Variants in CLNK observed in about 807,000 individuals in gnomAD.
CLNK encodes the protein cytokine-dependent hematopoietic cell linker.
CLNK carries 74 observed loss-of-function variants against 68.6 expected under a neutral mutation model. That is an observed-to-expected ratio of 1.08 (90% CI 0.89 to 1.31). The LOEUF (loss-of-function observed/expected upper bound fraction) is 1.31. Ranked by LOEUF, CLNK falls within the 50% of genes most tolerant of loss-of-function variation. The pLI, the probability that CLNK is intolerant of heterozygous loss-of-function variation, is 0.00. For synonymous variants in CLNK, 198 were observed against 172.2 expected (o/e 1.15, Z -1.17); for missense variants, 553 against 515.3 (o/e 1.07, Z -0.71).
intron 18 of CLNK, among the ~76,000 whole-genome samples, chr4:10,492,120 T>C (rs1716600353): frequency 6.6e-6 from 1 of 152,198 alleles, no homozygotes; most frequent in Non-Finnish European, 1.5e-5. Flanking sequence ...GCAGGGGGAA[T>C]GATCTTCCCT....
At chr4:10,534,390 A>G (rs541606744) in intron 11 of CLNK, among the ~76,000 whole-genome samples, 3 of 152,340 alleles carry the variant, frequency 2.0e-5, no homozygotes, top group East Asian at 1.9e-4. Context: ...TATGCATAAG[A>G]GGTCCTCATT....
the CLNK span, among the ~76,000 whole-genome samples, chr4:10,699,803 G>A: frequency 1.3e-5 from 2 of 151,376 alleles, no homozygotes; most frequent in Non-Finnish European, 1.5e-5. Context: ...CATGAGCCAC[G>A]GCACCCCGCC....
chr4:10,693,316 G>T, the CLNK span, among the ~76,000 whole-genome samples: 1 of 152,208 alleles, frequency 6.6e-6, no homozygotes, highest in Non-Finnish European at 1.5e-5. Context: ...CTTTGCAGAT[G>T]TAATCAAGTT....
intron 15 of CLNK, among the ~76,000 whole-genome samples, chr4:10,518,360 A>G (rs1004963658): frequency 1.3e-5 from 2 of 152,218 alleles, no homozygotes; most frequent in Admixed American, 6.5e-5. Flanking sequence ...TCCCTGTTGT[A>G]ACTTAAAATA....
intron 2 of CLNK, among the ~76,000 whole-genome samples, chr4:10,627,137 A>T (rs750722425): frequency 3.1e-4 from 47 of 152,304 alleles, no homozygotes; most frequent in Middle Eastern, 6.8e-3. Context: ...GAAACTTGAT[A>T]TCCATAGAGA....
At chr4:10,501,182 G>T in intron 18 of CLNK, 74 bp downstream of exon 18, 2 of 1,435,822 alleles carry the variant, frequency 1.4e-6, no homozygotes, top group South Asian at 1.5e-5. Context: ...CTTCCTCCAG[G>T]GTGACATCCC....
At chr4:10,511,086 G>C (rs1717561821) in intron 16 of CLNK, among the ~76,000 whole-genome samples, 1 of 152,138 alleles carries the variant, frequency 6.6e-6, no homozygotes, top group African/African-American at 2.4e-5. Context: ...CCGGGAGGTG[G>C]GGCGGGGGTT....
intron 16 of CLNK, among the ~76,000 whole-genome samples, chr4:10,511,302 A>G (rs1008279043): frequency 6.6e-6 from 1 of 152,230 alleles, no homozygotes; most frequent in African/African-American, 2.4e-5. Flanking sequence ...ATGGTCACTC[A>G]TATTTGGCTC....
At chr4:10,608,813 C>T (rs1721890031) in intron 2 of CLNK, among the ~76,000 whole-genome samples, 1 of 152,150 alleles carries the variant, frequency 6.6e-6, no homozygotes, top group Admixed American at 6.5e-5. Context: ...AACATTTATC[C>T]CTCATAGTTC....
the CLNK span, among the ~76,000 whole-genome samples, chr4:10,692,762 C>T: frequency 3.3e-5 from 5 of 152,168 alleles, no homozygotes; most frequent in African/African-American, 7.2e-5. Flanking sequence ...ATAAAACCTC[C>T]GTGAGGCTTG....
chr4:10,641,636 A>G (rs1321024919), intron 2 of CLNK, among the ~76,000 whole-genome samples: 1 of 152,266 alleles, frequency 6.6e-6, no homozygotes, highest in Non-Finnish European at 1.5e-5. Flanking sequence ...CTGAATGAAT[A>G]AGTGAGTAAA....
chr4:10,559,639 C>A (rs1331855410), intron 7 of CLNK, among the ~76,000 whole-genome samples: 1 of 152,078 alleles, frequency 6.6e-6, no homozygotes, highest in Non-Finnish European at 1.5e-5. Flanking sequence ...GTGGGATTTG[C>A]AATCTCAGGG....
the CLNK span, among the ~76,000 whole-genome samples, chr4:10,726,161 C>T: frequency 6.6e-6 from 1 of 152,136 alleles, no homozygotes; most frequent in Non-Finnish European, 1.5e-5. Flanking sequence ...CCTTTACCTT[C>T]ACATGGCTGG....
chr4:10,522,126 T>C (rs995745190), intron 14 of CLNK, among the ~76,000 whole-genome samples: 2 of 151,060 alleles, frequency 1.3e-5, no homozygotes, highest in Admixed American at 6.6e-5. Context: ...GGCATGGTGG[T>C]GGGCACCTGT....
chr4:10,654,979 T>C (rs971766562), intron 2 of CLNK, among the ~76,000 whole-genome samples: 1 of 151,590 alleles, frequency 6.6e-6, no homozygotes, highest in Non-Finnish European at 1.5e-5. Flanking sequence ...GCAGCGCCTG[T>C]AGTCCCACCT....
intron 18 of CLNK, among the ~76,000 whole-genome samples, chr4:10,499,508 G>T (rs1716948653): frequency 6.6e-6 from 1 of 152,176 alleles, no homozygotes; most frequent in Admixed American, 6.5e-5. Flanking sequence ...ATTTAAGCTG[G>T]AATCTTTATG....
At chr4:10,612,996 A>G (rs952874227) in intron 2 of CLNK, among the ~76,000 whole-genome samples, 6 of 152,254 alleles carry the variant, frequency 3.9e-5, no homozygotes, top group Admixed American at 6.5e-5. Flanking sequence ...AAATGAATTC[A>G]ACAACACATT....
intron 14 of CLNK, among the ~76,000 whole-genome samples, chr4:10,521,985 G>A (rs1236797878): frequency 2.0e-5 from 3 of 152,278 alleles, no homozygotes; most frequent in South Asian, 2.1e-4. Flanking sequence ...AAGTCTGGGC[G>A]TGTTGGCTCA....
chr4:10,499,862 C>G (rs1164391580), intron 18 of CLNK, among the ~76,000 whole-genome samples: 1 of 152,154 alleles, frequency 6.6e-6, no homozygotes, highest in Admixed American at 6.5e-5. Flanking sequence ...CTAATCTCCT[C>G]TTGTCATAAG....
Sources: gnomAD v4.1 joint callset for allele counts (sites outside exome capture counted in the v4.1 genomes callset) on GRCh38, gnomAD v4.1.1 for gene constraint, MANE v1.5 for transcripts, NCBI Gene and HGNC (gene_info 2026-07-23, HGNC 2026-07-21) for gene names.